Variants in TRIM9 observed in about 807,000 individuals in gnomAD.
TRIM9 encodes E3 ubiquitin-protein ligase TRIM9.
Under a neutral mutation model 78.3 loss-of-function variants are expected in TRIM9, and 26 were observed. The ratio of observed to expected loss-of-function variants is 0.33; its 90% CI spans 0.24 to 0.46. The LOEUF (loss-of-function observed/expected upper bound fraction) is 0.46, where lower values mean the gene tolerates loss of function less well. Among genes scored for constraint, TRIM9 ranks in the 20% least tolerant of loss-of-function variants. The pLI is 1.00. For missense variants in TRIM9, 787 were observed against 1,036.4 expected, an observed-to-expected ratio of 0.76 and a Z score of 3.30; for synonymous variants, 398 against 416.5, an observed-to-expected ratio of 0.96 and a Z score of 0.54.
intron 1 of TRIM9, among the ~76,000 whole-genome samples, chr14:51,044,838 A>G (rs1049407989): frequency 6.6e-6 from 1 of 151,792 alleles, no homozygotes; most frequent in African/African-American, 2.4e-5. Context: ...CACTCCCACC[A>G]CTCCCTATCA....
chr14:51,018,194 C>CT (rs993733051), intron 3 of TRIM9, among the ~76,000 whole-genome samples: 10 of 151,142 alleles, frequency 6.6e-5, no homozygotes, highest in South Asian at 4.2e-4. Flanking sequence ...GAATTAGTTG[C>CT]TTTTTTTTTC....
At chr14:50,989,730 A>G (rs1001497900) in intron 7 of TRIM9, among the ~76,000 whole-genome samples, 19 of 152,220 alleles carry the variant, frequency 1.2e-4, no homozygotes, top group African/African-American at 4.3e-4. Flanking sequence ...AGGCATAACT[A>G]TAACTCTAGG....
chr14:51,027,757 C>T (rs995947797), intron 1 of TRIM9, among the ~76,000 whole-genome samples: 2 of 152,000 alleles, frequency 1.3e-5, no homozygotes, highest in Admixed American at 1.3e-4. Context: ...AAAACGGTCT[C>T]ATTTGGAAGA....
intron 1 of TRIM9, among the ~76,000 whole-genome samples, chr14:51,071,318 C>G (rs572128950): frequency 3.4e-5 from 5 of 145,630 alleles, no homozygotes; most frequent in Non-Finnish European, 7.5e-5. Flanking sequence ...GGAGGTTGTG[C>G]TGAGCCGAGA....
At chr14:51,029,907 G>A (rs966454043) in intron 1 of TRIM9, among the ~76,000 whole-genome samples, 1 of 152,160 alleles carries the variant, frequency 6.6e-6, no homozygotes, top group Non-Finnish European at 1.5e-5. Context: ...CAAAACAATT[G>A]TTTAATTGTT....
rs2051957660 is a variant in TRIM9 at position 50,981,812 on chromosome 14, G to A, written c.2150C>T (p.Ser717Leu). The A allele has an allele frequency of 3.1e-6, 5 of 1,614,046 alleles. No homozygotes were observed. The highest frequency in any genetic ancestry group is 1.3e-5 in the African/African-American group (1 of 74,922). ...GGCTGCAGGGTACCTGTTGGTGTGC[G>A]AGTTGTTGTGCATGAACCAGCTCCG... Reference protein sequence around the residue: ...NNRSWFMHNNSHTNRTEGGIT... With the variant: ...NNRSWFMHNNLHTNRTEGGIT... Residue 717 changes from serine to leucine, a missense_variant, in exon 11 of 13, where the codon TCG becomes TTG. Ser to Leu is a moderately radical substitution (Grantham distance 145). This residue lies in a region of TRIM9 where 421 missense variants were observed against 514.3 expected (regional missense o/e 0.82). Transcript: ENST00000684578.
intron 1 of TRIM9, among the ~76,000 whole-genome samples, chr14:51,072,114 G>A (rs1417840098): frequency 6.6e-6 from 1 of 152,192 alleles, no homozygotes; most frequent in Non-Finnish European, 1.5e-5. Context: ...TGGGCCACCT[G>A]GGCTTCAGGG....
chr14:51,088,359 A>C (rs1330683703), intron 1 of TRIM9, among the ~76,000 whole-genome samples: 1 of 152,238 alleles, frequency 6.6e-6, no homozygotes, highest in African/African-American at 2.4e-5. Flanking sequence ...ATACATAGGC[A>C]TATTGATACA....
intron 1 of TRIM9, among the ~76,000 whole-genome samples, chr14:51,047,655 A>T (rs532209787): frequency 6.6e-6 from 1 of 152,252 alleles, no homozygotes; most frequent in South Asian, 2.1e-4. Flanking sequence ...TACCCAAGGG[A>T]GGTATGGTCT....
At chr14:51,018,617 C>G (rs1252280857) in intron 3 of TRIM9, among the ~76,000 whole-genome samples, 1 of 152,148 alleles carries the variant, frequency 6.6e-6, no homozygotes, top group Non-Finnish European at 1.5e-5. Context: ...ATAGATTACA[C>G]TAGGCCTCAA....
chr14:51,049,899 C>T (rs2060259216), intron 1 of TRIM9, among the ~76,000 whole-genome samples: 4 of 151,586 alleles, frequency 2.6e-5, no homozygotes, highest in Non-Finnish European at 5.9e-5. Flanking sequence ...GGAAATGGCT[C>T]TGGTATGTGT....
At chr14:50,984,107 C>G (rs760901869) in intron 8 of TRIM9, among the ~76,000 whole-genome samples, 2 of 152,088 alleles carry the variant, frequency 1.3e-5, no homozygotes, top group Non-Finnish European at 2.9e-5. Context: ...ACCTGTACCC[C>G]ATGAGAAATT....
intron 7 of TRIM9, chr14:50,996,601 C>T (rs1245665242): frequency 2.0e-6 from 2 of 985,342 alleles, no homozygotes; most frequent in Non-Finnish European, 2.4e-6. Flanking sequence ...ACCTTGTACA[C>T]ACATGGGAAA....
At chr14:50,978,196 C>T (rs2051313440) in intron 12 of TRIM9, among the ~76,000 whole-genome samples, 1 of 152,180 alleles carries the variant, frequency 6.6e-6, no homozygotes, top group South Asian at 2.1e-4. Context: ...ACTGCACATA[C>T]TGAAACACAA....
intron 7 of TRIM9, among the ~76,000 whole-genome samples, chr14:50,993,629 T>C (rs146939474): frequency 2.0e-5 from 3 of 152,292 alleles, no homozygotes; most frequent in African/African-American, 7.2e-5. Flanking sequence ...TGACTGCAAG[T>C]AGTAAAGTCC....
chr14:51,075,745 AC>A (rs750618870), intron 1 of TRIM9, among the ~76,000 whole-genome samples: 164 of 152,174 alleles, frequency 1.1e-3, no homozygotes, highest in Middle Eastern at 3.4e-3. Context: ...ACCTCTCAAA[AC>A]TTCCCAAGGC....
rs565063621 is a variant in TRIM9, at chr14:51,021,521, C to G, written c.1041+1314G>C. ...ATCTCTTCCATTGAACTGTAAACTC[C>G]ATAAGGGCAGAAGTCCTTCTGAACC... On this transcript the variant is annotated intron_variant, in intron 3 of 12. Coordinates refer to ENST00000684578, the MANE Select transcript of TRIM9 (RefSeq NM_001387360.1). 1.1e-4 allele frequency among the ~76,000 whole-genome samples: 16 copies of G among 152,310 alleles called. 1 individual carries two copies. The South Asian group carries it at 3.3e-3, about 32-fold the overall frequency.
intron 5 of TRIM9, among the ~76,000 whole-genome samples, chr14:51,008,398 G>C (rs1953887): frequency 0.85 from 129,883 of 152,248 alleles, 55,675 homozygotes; most frequent in African/African-American, 0.9. Context: ...TATTTCAAAA[G>C]AAACAGTTAA....
intron 1 of TRIM9, among the ~76,000 whole-genome samples, chr14:51,036,254 G>A (rs2059143067): frequency 6.6e-6 from 1 of 152,122 alleles, no homozygotes; most frequent in Non-Finnish European, 1.5e-5. Flanking sequence ...AATCAACTAT[G>A]TATTTACACC....
Sources: gnomAD v4.1 joint callset for allele counts (sites outside exome capture counted in the v4.1 genomes callset) on GRCh38, gnomAD v4.1.1 for gene constraint, gnomAD v4.1.1 regional missense constraint, MANE v1.5 for transcripts, NCBI Gene and HGNC (gene_info 2026-07-23, HGNC 2026-07-21) for gene names.